The following TNC variants were observed in gnomAD, a reference collection of about 807,000 sequenced individuals.
TNC encodes the protein tenascin.
Under a neutral mutation model 202.4 loss-of-function variants are expected in TNC, and 109 were observed. That is an observed-to-expected ratio of 0.54 (90% CI 0.46 to 0.63). The LOEUF is 0.63. Among genes scored for constraint, TNC ranks in the 30% least tolerant of loss-of-function variants. The pLI is 0.00. For missense variants in TNC, 2,756 were observed against 2,833.3 expected (o/e 0.97, Z 0.62); for synonymous variants, 1,007 against 1,089.7 (o/e 0.92, Z 1.50).
At position 115,073,830 on chromosome 9, in the gene TNC, G is replaced by A; in HGVS notation, c.2987C>T (p.Thr996Ile). 3 of 1,613,236 alleles carry A rather than the reference G, an allele frequency of 1.9e-6. No homozygotes were observed. Among genetic ancestry groups the A allele is most frequent in the Non-Finnish European group, 2.5e-6 (3 of 1,180,008 alleles). Residue 996 changes from threonine (T) to isoleucine (I), a missense_variant, in exon 10 of 28, where the codon ACT becomes ATT. Transcript: ENST00000350763. ...GAGCAGGGTCAGGCTGGTCTCTGCAGTTTCAGAAACCTGAAGGTCCTTGGG... is the reference window on the plus strand; with the variant it reads ...GAGCAGGGTCAGGCTGGTCTCTGCAATTTCAGAAACCTGAAGGTCCTTGGG... Reference protein sequence around the residue: ...DTPKDLQVSETAETSLTLLWK... With the variant: ...DTPKDLQVSEIAETSLTLLWK...
chr9:115,038,478 G>A, intron 19 of TNC, 98 bp from the exon 20 acceptor site: 3 of 1,465,414 alleles, frequency 2.0e-6, no homozygotes, highest in Non-Finnish European at 2.8e-6. Flanking sequence ...CCTGATGTTA[G>A]GACAGTGTCA....
chr9:115,039,354 A>C lies in TNC; in HGVS notation c.5393-974T>G, dbSNP rs183862698. 5.9e-5 allele frequency among the ~76,000 whole-genome samples: 9 copies of C among 152,356 alleles called. No individual in the cohort carries two copies. The East Asian group carries it at 1.5e-3, about 26-fold the overall frequency. ...ACTAGCTAAGCAATGTGTGATGTGT[A>C]AGATGTACTAGGGAAAGCTCTCAAT... On this transcript the variant is annotated intron_variant, in intron 19 of 27. Transcript: ENST00000350763.
intron 15 of TNC, chr9:115,055,522 C>CA (rs36097886): frequency 0.52 from 79,522 of 152,296 alleles, 21,612 homozygotes; most frequent in African/African-American, 0.67. Flanking sequence ...GCCCGCCAAT[C>CA]AGCCCATGAA....
chr9:115,038,138 T>A lies in TNC; in HGVS notation c.5512+123A>T, dbSNP rs2274751. 132,658 of 1,358,710 alleles carry A rather than the reference T, an allele frequency of 0.098. 7,068 individuals carry two copies. The highest frequency in any genetic ancestry group is 0.16 in the Middle Eastern group (835 of 5,250). 84.2% of individuals were successfully genotyped at this position (1,358,710 alleles called of 1,614,324 possible). ...GAGCCACATGAACATTACTGGCCTT[T>A]TCAACCTACCCATGCATTTTTATCA... is the stretch of plus-strand genomic sequence containing the variant. On this transcript the variant is annotated intron_variant, in intron 20 of 27. Coordinates refer to ENST00000350763, the MANE Select transcript of TNC (RefSeq NM_002160.4).
chr9:115,055,267 G>A (rs976731510), intron 15 of TNC, among the ~76,000 whole-genome samples: 5 of 152,140 alleles, frequency 3.3e-5, no homozygotes, highest in African/African-American at 1.2e-4. Flanking sequence ...GATGTGAATG[G>A]ATATTTAGGA....
intron 1 of TNC, among the ~76,000 whole-genome samples, chr9:115,102,538 A>C (rs1836313722): frequency 1.3e-5 from 2 of 152,170 alleles, no homozygotes; most frequent in South Asian, 4.1e-4. Flanking sequence ...CTACTATTGA[A>C]AGGTTTATCA....
chr9:115,051,998 A>C (rs1831708616), intron 15 of TNC, among the ~76,000 whole-genome samples: 1 of 145,642 alleles, frequency 6.9e-6, no homozygotes, highest in Non-Finnish European at 1.5e-5. Context: ...CTGTCAATGG[A>C]TGAATGGATA....
Position 115,035,129 on chromosome 9 carries a change from G to A in TNC, c.5787+75C>T, listed in dbSNP as rs559397830. 6 of 1,472,978 alleles carry A rather than the reference G, an allele frequency of 4.1e-6. No homozygotes were observed. The African/African-American group carries it at 5.8e-5, about 14-fold the overall frequency. The allele number at this position is 1,472,978 out of a possible 1,614,324, so 91.2% of individuals were successfully genotyped here. On this transcript the variant is annotated intron_variant, in intron 22 of 27. Coordinates refer to ENST00000350763, the MANE Select transcript of TNC (RefSeq NM_002160.4). ...GCACTGGGGTAGAAAAACAGCATCA[G>A]GTAATTCTTCCATACTTTGAAGATC...
intron 4 of TNC, 146 bp downstream of exon 4, chr9:115,084,063 G>A: frequency 2.3e-6 from 2 of 854,418 alleles, no homozygotes; most frequent in South Asian, 1.7e-5. Flanking sequence ...TCTTTAATAA[G>A]TGATTCTATG....
Position 115,029,343 on chromosome 9 carries a change from A to C in TNC, c.6169+17T>G, listed in dbSNP as rs774983462. 11 of 1,612,596 alleles carry C rather than the reference A, an allele frequency of 6.8e-6. No individual in the cohort carries two copies. In the South Asian group the frequency reaches 1.1e-4, roughly 16 times the overall value. ...AGAATCAGGCATTTTAGATATAAACATGCAGGGCTGCATTACCAAGCCAGA... is the reference window on the plus strand; with the variant it reads ...AGAATCAGGCATTTTAGATATAAACCTGCAGGGCTGCATTACCAAGCCAGA... On this transcript the variant is annotated intron_variant, in intron 25 of 27. Transcript: ENST00000350763.
chr9:115,046,950 C>T (rs1588052862), intron 16 of TNC, among the ~76,000 whole-genome samples: 1 of 152,328 alleles, frequency 6.6e-6, no homozygotes, highest in East Asian at 1.9e-4. Context: ...AGTAAATCCA[C>T]ATCTGGACTC....
intron 1 of TNC, among the ~76,000 whole-genome samples, chr9:115,095,492 GTATATATATGTA>G (rs1835600107): frequency 5.8e-4 from 7 of 12,120 alleles, no homozygotes; most frequent in African/African-American, 1.3e-3. Context: ...ATATATATAT[GTATATATATGTA>G]TATATATATG....
Position 115,077,935 on chromosome 9 carries a change from C to T in TNC, c.2674+8G>A, listed in dbSNP as rs1003701921. The T allele has an allele frequency of 3.1e-6, 5 of 1,612,904 alleles. No individual in the cohort carries two copies. Among genetic ancestry groups the T allele is most frequent in the Middle Eastern group, 1.7e-4 (1 of 6,054 alleles). ...TACTATATCTGTTAACAGGGGGAGGCCTTTTACCTGTTGTGAAGGTCTCTT... is the reference window on the plus strand; with the variant it reads ...TACTATATCTGTTAACAGGGGGAGGTCTTTTACCTGTTGTGAAGGTCTCTT... On this transcript the variant is annotated splice_region_variant and intron_variant, in intron 7 of 27. Coordinates refer to ENST00000350763, the MANE Select transcript of TNC (RefSeq NM_002160.4).
At chr9:115,055,111 A>G (rs536310084) in intron 15 of TNC, among the ~76,000 whole-genome samples, 33 of 152,292 alleles carry the variant, frequency 2.2e-4, no homozygotes, top group Non-Finnish European at 4.6e-4. Flanking sequence ...TGAACATGAC[A>G]TAGGCAAACT....
At chr9:115,068,377 A>G (rs891493076) in intron 10 of TNC, among the ~76,000 whole-genome samples, 2 of 152,168 alleles carry the variant, frequency 1.3e-5, no homozygotes, top group African/African-American at 4.8e-5. Context: ...CAACTTAAAA[A>G]TCTGTAGATT....
chr9:115,071,688 G>C (rs1189352978), intron 10 of TNC, among the ~76,000 whole-genome samples: 3 of 152,136 alleles, frequency 2.0e-5, no homozygotes, highest in African/African-American at 7.2e-5. Flanking sequence ...AAAGCTAAGG[G>C]AGAGGGGCAG....
chr9:115,066,282 T>C (rs571120564), intron 10 of TNC, among the ~76,000 whole-genome samples: 322 of 152,326 alleles, frequency 2.1e-3, no homozygotes, highest in Non-Finnish European at 3.6e-3. Flanking sequence ...TAAGTGGACT[T>C]TGCATAGTTT....
At position 115,035,262 on chromosome 9, in the gene TNC, G is replaced by C. The variant is rs755284947; in HGVS notation, c.5729C>G (p.Pro1910Arg). Residue 1910 changes from proline to arginine, a missense_variant, in exon 22 of 28, where the codon CCC (proline) becomes CGC (arginine). By Grantham distance (103) the Pro-to-Arg change is moderately radical (BLOSUM62 -2). Transcript: ENST00000350763. ...CAGGTAACCGGTGACTGATGCCCGG[G>C]GGGGTCGCCAGGTAAGGAGGGCAGT... is the stretch of plus-strand genomic sequence containing the variant. ...SETALLTWRP[P>R]RASVTGYLLV... 3 of 1,613,372 alleles carry C rather than the reference G, an allele frequency of 1.9e-6. No homozygotes were observed. Among genetic ancestry groups the C allele is most frequent in the Non-Finnish European group, 2.5e-6 (3 of 1,179,734 alleles).
chr9:115,029,776 T>A (rs1030946289), intron 24 of TNC, among the ~76,000 whole-genome samples: 3 of 152,184 alleles, frequency 2.0e-5, no homozygotes, highest in African/African-American at 2.4e-5. Flanking sequence ...GGGGTGTATA[T>A]GAAAACTTCT....
Sources: gnomAD v4.1 joint callset for allele counts (sites outside exome capture counted in the v4.1 genomes callset) on GRCh38, gnomAD v4.1.1 for gene constraint, MANE v1.5 for transcripts, NCBI Gene and HGNC (gene_info 2026-07-23, HGNC 2026-07-21) for gene names.